Variants in PTPRD observed in about 807,000 individuals in gnomAD.
PTPRD encodes protein tyrosine phosphatase receptor type D, also known as receptor-type tyrosine-protein phosphatase delta.
Under a neutral mutation model 214.5 loss-of-function variants are expected in PTPRD, and 34 were observed. The observed-to-expected ratio is 0.16, with a 90% CI of 0.12 to 0.21. PTPRD has a LOEUF of 0.21. PTPRD is among the 10% of genes least tolerant of loss of function. PTPRD has a pLI of 1.00. For synonymous variants in PTPRD, 1,128 were observed against 845.7 expected (o/e 1.33, Z -5.79); for missense variants, 2,545 against 2,398.7 (o/e 1.06, Z -1.27).
At chr9:9,304,403 G>T (rs137862529) in intron 9 of PTPRD, among the ~76,000 whole-genome samples, 1 of 152,018 alleles carries the variant, frequency 6.6e-6, no homozygotes, top group Non-Finnish European at 1.5e-5. Context: ...TTTCCTTAGA[G>T]TTCTTTTTTA....
At chr9:10,414,818 T>A (rs1294532903) in intron 2 of PTPRD, among the ~76,000 whole-genome samples, 2 of 151,922 alleles carry the variant, frequency 1.3e-5, no homozygotes, top group African/African-American at 4.8e-5. Context: ...GCCATTATCC[T>A]CAGCAAACTA....
At chr9:8,667,164 C>A (rs1218111084) in intron 12 of PTPRD, among the ~76,000 whole-genome samples, 1 of 152,030 alleles carries the variant, frequency 6.6e-6, no homozygotes, top group Non-Finnish European at 1.5e-5. Context: ...CATGGCGAAA[C>A]CCCATCTCTA....
rs142772761 is a variant in PTPRD at position 9,621,970 on chromosome 9, T to C, written c.-286-47189A>G. Among the ~76,000 whole-genome samples, 6 of 152,338 alleles carry C rather than the reference T, an allele frequency of 3.9e-5. No homozygotes were observed. In the East Asian group the frequency reaches 1.2e-3, roughly 29 times the overall value. ...AGCTTAGGCATCCAGTCACCCATAC[T>C]GAACGGAGGCGAGGAGACCTGGTCA... On this transcript the variant is annotated intron_variant, in intron 7 of 45. Coordinates refer to ENST00000381196, the MANE Select transcript of PTPRD (RefSeq NM_002839.4).
intron 8 of PTPRD, among the ~76,000 whole-genome samples, chr9:9,407,539 C>T (rs958169895): frequency 2.6e-5 from 4 of 151,672 alleles, no homozygotes; most frequent in African/African-American, 9.7e-5. Flanking sequence ...TTTGTCCTAT[C>T]CTAAATTTTC....
chr9:8,867,679 A>G (rs978947939), intron 11 of PTPRD, among the ~76,000 whole-genome samples: 4 of 152,258 alleles, frequency 2.6e-5, no homozygotes, highest in African/African-American at 9.6e-5. Context: ...GCTGAAAGCA[A>G]TAATATTTCA....
intron 11 of PTPRD, among the ~76,000 whole-genome samples, chr9:8,957,951 C>T (rs2099139883): frequency 1.0e-5 from 1 of 96,514 alleles, no homozygotes; most frequent in African/African-American, 3.6e-5. Context: ...CCTTAGAGTG[C>T]ATTTAGATCT....
At chr9:9,547,823 C>T (rs892647398) in intron 8 of PTPRD, among the ~76,000 whole-genome samples, 2 of 151,382 alleles carry the variant, frequency 1.3e-5, no homozygotes, top group Non-Finnish European at 2.9e-5. Flanking sequence ...CACACACACA[C>T]ATCAGGAAAA....
At chr9:9,505,842 G>A (rs992611108) in intron 8 of PTPRD, among the ~76,000 whole-genome samples, 26 of 151,232 alleles carry the variant, frequency 1.7e-4, no homozygotes, top group Middle Eastern at 3.2e-3. Flanking sequence ...TAACTACTTC[G>A]TTTTTCTTTC....
At chr9:9,258,460 A>G (rs555438317) in intron 9 of PTPRD, among the ~76,000 whole-genome samples, 1 of 151,986 alleles carries the variant, frequency 6.6e-6, no homozygotes, top group African/African-American at 2.4e-5. Context: ...GCCATTGAGG[A>G]TGCGAGTTTT....
chr9:10,308,515 T>C (rs2096162266), intron 3 of PTPRD, among the ~76,000 whole-genome samples: 1 of 151,654 alleles, frequency 6.6e-6, no homozygotes, highest in Admixed American at 6.6e-5. Flanking sequence ...AGCTTTGTTC[T>C]TTGTGTTCAA....
At chr9:8,710,816 G>A (rs532454890) in intron 12 of PTPRD, among the ~76,000 whole-genome samples, 1 of 152,036 alleles carries the variant, frequency 6.6e-6, no homozygotes, top group Admixed American at 6.6e-5. Flanking sequence ...ACATATGAAG[G>A]GCCTTCAAAC....
chr9:9,514,140 G>C (rs2096778430), intron 8 of PTPRD, among the ~76,000 whole-genome samples: 1 of 151,990 alleles, frequency 6.6e-6, no homozygotes, highest in South Asian at 2.1e-4. Context: ...TGGCCTTTTG[G>C]TGGATGACAG....
At chr9:8,894,080 G>A (rs897486031) in intron 11 of PTPRD, among the ~76,000 whole-genome samples, 2 of 152,098 alleles carry the variant, frequency 1.3e-5, no homozygotes, top group African/African-American at 4.8e-5. Context: ...TAGGCCAGGT[G>A]CGGTGGCTCA....
rs937148225 is a variant in PTPRD at position 8,713,553 on chromosome 9, G to A, written c.64+20227C>T. ...TGCGGGTGAAGAACTTCGGGATCTG[G>A]CTGCGCTGTGACTCCCGGAGCGGCA... On this transcript the variant is annotated intron_variant, in intron 12 of 45. Transcript: ENST00000381196. 4.4e-6 allele frequency: 6 copies of A among 1,357,788 alleles called. No individual in the cohort carries two copies. The African/African-American group carries it at 7.1e-5, about 16-fold the overall frequency. The allele number at this position is 1,357,788 out of a possible 1,614,324, so 84.1% of individuals were successfully genotyped here. A position where few individuals can be genotyped will look rare whatever the true frequency, so the allele number is the denominator to read the frequency against.
At chr9:9,525,220 C>A (rs185888373) in intron 8 of PTPRD, among the ~76,000 whole-genome samples, 28 of 152,214 alleles carry the variant, frequency 1.8e-4, no homozygotes, top group African/African-American at 6.7e-4. Flanking sequence ...TTTGGAAGAT[C>A]TGGGTATCTG....
chr9:8,865,549 T>C (rs922861776), intron 11 of PTPRD, among the ~76,000 whole-genome samples: 7 of 152,130 alleles, frequency 4.6e-5, no homozygotes, highest in Admixed American at 3.9e-4. Flanking sequence ...GCTCCTGGGC[T>C]CTCATTCTTT....
intron 8 of PTPRD, among the ~76,000 whole-genome samples, chr9:9,536,759 A>G (rs1031315521): frequency 6.6e-6 from 1 of 152,030 alleles, no homozygotes; most frequent in East Asian, 1.9e-4. Context: ...ACAGTGACAT[A>G]TCAACACTAA....
At chr9:8,727,289 G>A (rs1238908057) in intron 12 of PTPRD, among the ~76,000 whole-genome samples, 1 of 152,208 alleles carries the variant, frequency 6.6e-6, no homozygotes, top group Non-Finnish European at 1.5e-5. Flanking sequence ...TTTTGTGACA[G>A]AGTCTTAATC....
chr9:9,584,489 A>C (rs1283152063), intron 7 of PTPRD, among the ~76,000 whole-genome samples: 1 of 151,816 alleles, frequency 6.6e-6, no homozygotes, highest in African/African-American at 2.4e-5. Context: ...ACTAAAGTAA[A>C]ATATCTCCAA....
Sources: gnomAD v4.1 joint callset for allele counts (sites outside exome capture counted in the v4.1 genomes callset) on GRCh38, gnomAD v4.1.1 for gene constraint, MANE v1.5 for transcripts, NCBI Gene and HGNC (gene_info 2026-07-23, HGNC 2026-07-21) for gene names.